TECPR2: variants seen among roughly 807,000 people sequenced by gnomAD.
The protein encoded by TECPR2 is tectonin beta-propeller repeat containing 2, also known as tectonin beta-propeller repeat-containing protein 2.
In TECPR2, 65 loss-of-function variants were observed where a neutral mutation model predicts 138.1. The observed-to-expected ratio is 0.47, with a 90% CI of 0.39 to 0.58. The LOEUF is 0.58. TECPR2 is among the 20% of genes least tolerant of loss of function. The pLI, the probability that TECPR2 is intolerant of heterozygous loss-of-function variation, is 0.00. For synonymous variants in TECPR2, 746 were observed against 749.8 expected, an observed-to-expected ratio of 0.99 and a Z score of 0.08; for missense variants, 1,553 against 1,824.5, an observed-to-expected ratio of 0.85 and a Z score of 2.71.
intron 1 of TECPR2, among the ~76,000 whole-genome samples, chr14:102,364,028 A>G (rs997453140): frequency 3.3e-5 from 5 of 151,924 alleles, no homozygotes; most frequent in African/African-American, 1.2e-4. Context: ...CAGGAATTTT[A>G]TTCTGTTCTG....
intron 1 of TECPR2, among the ~76,000 whole-genome samples, chr14:102,376,368 G>A (rs1019897214): frequency 1.3e-5 from 2 of 152,264 alleles, no homozygotes; most frequent in Middle Eastern, 3.4e-3. Context: ...TCCCTGTCTA[G>A]ATCATAAGCT....
intron 17 of TECPR2, among the ~76,000 whole-genome samples, chr14:102,490,022 C>CA (rs892759547): frequency 3.1e-4 from 45 of 146,056 alleles, no homozygotes; most frequent in Admixed American, 9.5e-4. Context: ...GTGACAGTTA[C>CA]AAAAAAAAAA....
At chr14:102,448,531 G>A (rs59693615) in intron 13 of TECPR2, among the ~76,000 whole-genome samples, 3 of 152,118 alleles carry the variant, frequency 2.0e-5, no homozygotes, top group Admixed American at 6.5e-5. Context: ...TGATGCTCTT[G>A]CCCTGGAGTA....
At chr14:102,458,305 C>G (rs920271872) in intron 16 of TECPR2, among the ~76,000 whole-genome samples, 1 of 152,174 alleles carries the variant, frequency 6.6e-6, no homozygotes. Context: ...CAGGGTGGAG[C>G]CCCCTCGTCA....
chr14:102,497,729 C>G lies in TECPR2; in HGVS notation c.4081+10C>G. The G allele has an allele frequency of 6.3e-7, 1 of 1,596,642 alleles. No individual in the cohort carries two copies. Among genetic ancestry groups the G allele is most frequent in the South Asian group, 1.1e-5 (1 of 89,342 alleles). ...GTGTCGTGTTTCACAGGCAGGTGCC[C>G]GGGGCCAGTGGGCTTAAGGCCCCTT... On this transcript the variant is annotated intron_variant, in intron 19 of 19. Transcript: ENST00000359520.
At chr14:102,367,120 G>A (rs1383996438) in intron 1 of TECPR2, among the ~76,000 whole-genome samples, 2 of 152,200 alleles carry the variant, frequency 1.3e-5, no homozygotes, top group African/African-American at 2.4e-5. Flanking sequence ...AAAGGGCTTA[G>A]ACCACACGGG....
chr14:102,396,837 A>G (rs906876203), intron 2 of TECPR2, among the ~76,000 whole-genome samples: 4 of 152,166 alleles, frequency 2.6e-5, no homozygotes, highest in African/African-American at 9.7e-5. Flanking sequence ...TCCTCTAAAT[A>G]TTTGGGGTCT....
chr14:102,439,567 G>T (rs2139738598), intron 10 of TECPR2, among the ~76,000 whole-genome samples: 1 of 152,214 alleles, frequency 6.6e-6, no homozygotes. Context: ...TAGAACTTTG[G>T]TTCTATTCCT....
intron 17 of TECPR2, among the ~76,000 whole-genome samples, chr14:102,484,083 T>C (rs10142890): frequency 0.52 from 77,156 of 148,224 alleles, 20,553 homozygotes; most frequent in South Asian, 0.66. Context: ...AGGCATTAGC[T>C]ACTGTGCCCA....
intron 2 of TECPR2, among the ~76,000 whole-genome samples, chr14:102,395,801 A>AAAACT (rs967067387): frequency 1.3e-5 from 2 of 152,222 alleles, no homozygotes; most frequent in Admixed American, 1.3e-4. Context: ...CTGTCTCCAA[A>AAAACT]AAACTAAACT....
At chr14:102,417,473 C>A (rs923523275) in intron 5 of TECPR2, among the ~76,000 whole-genome samples, 12 of 152,192 alleles carry the variant, frequency 7.9e-5, no homozygotes, top group Admixed American at 5.9e-4. Context: ...TGTAAAGGAG[C>A]GGGCTAGGTG....
At position 102,497,118 on chromosome 14, in the gene TECPR2, C is replaced by A; in HGVS notation, c.3929C>A (p.Pro1310Gln). Residue 1310 changes from proline to glutamine, a missense_variant and splice_region_variant, in exon 18 of 20, where the codon CCA (proline) becomes CAA (glutamine). Physicochemically the swap from Pro to Gln is moderately conservative, Grantham distance 76. Transcript: ENST00000359520. Reference sequence around the variant, plus strand: ...GTGGGGACCGCCTGGGAGCATGTGCCAGGTAGGAGCCTGCAGACAGGGCCT... The same window carrying A: ...GTGGGGACCGCCTGGGAGCATGTGCAAGGTAGGAGCCTGCAGACAGGGCCT... ...MPVGTAWEHV[P>Q]GLQACQLALS... The A allele has an allele frequency of 6.2e-7, 1 of 1,610,266 alleles. No homozygotes were observed. The highest frequency in any genetic ancestry group is 8.5e-7 in the Non-Finnish European group (1 of 1,179,758).
intron 13 of TECPR2, among the ~76,000 whole-genome samples, chr14:102,448,192 T>G (rs1389716574): frequency 6.6e-6 from 1 of 150,936 alleles, no homozygotes; most frequent in Non-Finnish European, 1.5e-5. Flanking sequence ...ACTCCTGACC[T>G]CAAGTAATCC....
At chr14:102,494,084 C>T (rs1187021383) in intron 17 of TECPR2, among the ~76,000 whole-genome samples, 4 of 152,216 alleles carry the variant, frequency 2.6e-5, no homozygotes, top group Non-Finnish European at 5.9e-5. Context: ...ATTGCCTGCT[C>T]TGGTGCTACC....
intron 17 of TECPR2, among the ~76,000 whole-genome samples, chr14:102,466,816 G>T (rs554591848): frequency 2.0e-5 from 3 of 152,154 alleles, no homozygotes; most frequent in Non-Finnish European, 4.4e-5. Flanking sequence ...GTCACTTCCT[G>T]TTCTCACAGA....
rs982242169 is a variant in TECPR2, at chr14:102,443,438, C to T, written c.2753-209C>T. On this transcript the variant is annotated intron_variant, in intron 11 of 19. Transcript: ENST00000359520. This position sits in a 1 kb window ranked among gnomAD's most constrained non-coding sequence, Gnocchi z 4.9. ...GGCTGAGGTGGGAGGATCTCTTGAG[C>T]CCAGGAGTTTGAGATCAGCCTGGGC... 1.3e-5 allele frequency among the ~76,000 whole-genome samples: 2 copies of T among 152,048 alleles called. No homozygotes were observed. The highest frequency in any genetic ancestry group is 1.3e-4 in the Admixed American group (2 of 15,250).
Position 102,407,383 on chromosome 14 carries a change from G to C in TECPR2, c.265G>C (p.Asp89His). The change falls in exon 3 of 20, where the codon GAT becomes CAT. Residue 89 changes from aspartate to histidine, a missense_variant. Coordinates refer to ENST00000359520, the MANE Select transcript of TECPR2 (RefSeq NM_014844.5). ...ITVVKLLSCFDDLVAAGTASG... is the reference protein window; with the variant it reads ...ITVVKLLSCFHDLVAAGTASG... ...TGTGGTGAAGCTGCTGAGCTGCTTT[G>C]ATGACCTGGTGGCAGCAGGCACAGC... 6.2e-7 allele frequency: 1 copy of C among 1,613,604 alleles called. No homozygotes were observed. Among genetic ancestry groups the C allele is most frequent in the Non-Finnish European group, 8.5e-7 (1 of 1,179,808 alleles).
At position 102,435,045 on chromosome 14, in the gene TECPR2, C is replaced by T. The variant is rs780456461; in HGVS notation, c.2228C>T (p.Pro743Leu). 2 of 1,614,118 alleles carry T rather than the reference C, an allele frequency of 1.2e-6. No individual in the cohort carries two copies. Among genetic ancestry groups the T allele is most frequent in the Non-Finnish European group, 1.7e-6 (2 of 1,180,042 alleles). Residue 743 changes from proline to leucine, a missense_variant, in exon 9 of 20, where the codon CCT becomes CTT. Transcript: ENST00000359520. ...ACTCACAAGCCCTGGCTTGAGCAGC[C>T]TCCACGGGATCAGACATTGACGTCC... ...ASTHKPWLEQ[P>L]PRDQTLTSSD... is the part of the protein sequence containing the mutation.
At position 102,459,576 on chromosome 14, in the gene TECPR2, C is replaced by A. The variant is rs118123565; in HGVS notation, c.3641-5565C>A. 7.4e-4 allele frequency among the ~76,000 whole-genome samples: 113 copies of A among 152,284 alleles called. 4 individuals carry two copies. The East Asian group carries it at 0.018, about 24-fold the overall frequency. ...GCGTAGATCACGAGATCAAGACTAT[C>A]CTGGCCAACATGGTGAAACCCCGTC... is the stretch of plus-strand genomic sequence containing the variant. On this transcript the variant is annotated intron_variant, in intron 16 of 19. Coordinates refer to ENST00000359520, the MANE Select transcript of TECPR2 (RefSeq NM_014844.5).
Sources: gnomAD v4.1 joint callset for allele counts (sites outside exome capture counted in the v4.1 genomes callset) on GRCh38, gnomAD v4.1.1 for gene constraint, Gnocchi (gnomAD v3.1) non-coding constraint, MANE v1.5 for transcripts, NCBI Gene and HGNC (gene_info 2026-07-23, HGNC 2026-07-21) for gene names.